The following HYDIN variants were observed in gnomAD, a reference collection of about 807,000 sequenced individuals.
The protein encoded by HYDIN is HYDIN axonemal central pair apparatus protein, also known as axonemal central pair apparatus protein HYDIN.
HYDIN carries 132 observed loss-of-function variants against 403.9 expected under a neutral mutation model. That is an observed-to-expected ratio of 0.33 (90% CI 0.28 to 0.38). The LOEUF (loss-of-function observed/expected upper bound fraction) is 0.38, where lower values mean the gene tolerates loss of function less well. HYDIN is among the 10% of genes least tolerant of loss of function. The probability of loss-of-function intolerance (pLI) is 1.00; values close to 1 mark genes in which losing one functional copy is unlikely to be tolerated. For synonymous variants in HYDIN, 1,202 were observed against 1,891.7 expected (o/e 0.64, Z 9.46); for missense variants, 2,827 against 5,009.5 (o/e 0.56, Z 13.15).
rs60618592 is a variant in HYDIN at position 70,902,821 on chromosome 16, A to ATTTTTTTTTTTTTT, written c.8849+790_8849+803dup. 1.5e-4 allele frequency among the ~76,000 whole-genome samples: 7 copies of ATTTTTTTTTTTTTT among 47,284 alleles called. 1 individual carries two copies. Among genetic ancestry groups the ATTTTTTTTTTTTTT allele is most frequent in the South Asian group, 7.5e-4 (1 of 1,330 alleles). The allele number at this position is 47,284 out of a possible 152,430, so 31.0% of individuals were successfully genotyped here. A position where few individuals can be genotyped will look rare whatever the true frequency, so the allele number is the denominator to read the frequency against. On this transcript the variant is annotated intron_variant, in intron 52 of 85. Coordinates refer to ENST00000393567, the MANE Select transcript of HYDIN (RefSeq NM_001270974.2). ...TATATATATATATATATATATATAT[A>ATTTTTTTTTTTTTT]TTTTTTTTTTTTTTTTTGTCCCACT...
chr16:71,229,830 A>G (rs1217891146), intron 1 of HYDIN, among the ~76,000 whole-genome samples: 1 of 152,178 alleles, frequency 6.6e-6, no homozygotes, highest in African/African-American at 2.4e-5. Context: ...AGTACATGAT[A>G]TGGTTTGGCT....
At chr16:71,183,237 T>A (rs958330718) in intron 3 of HYDIN, among the ~76,000 whole-genome samples, 10 of 151,786 alleles carry the variant, frequency 6.6e-5, no homozygotes, top group Non-Finnish European at 1.5e-5. Flanking sequence ...AATATATACA[T>A]AACTCAAAGT....
intron 5 of HYDIN, among the ~76,000 whole-genome samples, chr16:71,167,811 G>A (rs2144619418): frequency 6.6e-6 from 1 of 152,146 alleles, no homozygotes; most frequent in Non-Finnish European, 1.5e-5. Flanking sequence ...GTTATGACTA[G>A]GGAGGCTCCG....
rs747854166 is a variant in HYDIN at position 70,920,767 on chromosome 16, C to G, written c.7609G>C (p.Glu2537Gln). ...CGCTCCTCCAGGGCTCGCAGCTTCTCCAGGCGCTCCCGCTCCGCCTTCTCC... is the reference window on the plus strand; with the variant it reads ...CGCTCCTCCAGGGCTCGCAGCTTCTGCAGGCGCTCCCGCTCCGCCTTCTCC... Reference protein sequence around the residue: ...EREKAERERLEKLRALEERSD... With the variant: ...EREKAERERLQKLRALEERSD... Residue 2537 changes from glutamate to glutamine, a missense_variant, in exon 46 of 86, where the codon GAG (glutamate) becomes CAG (glutamine). Coordinates refer to ENST00000393567, the MANE Select transcript of HYDIN (RefSeq NM_001270974.2). 1 of 1,561,146 alleles carries G rather than the reference C, an allele frequency of 6.4e-7. No homozygotes were observed.
At chr16:70,930,301 C>T (rs577910710) in intron 45 of HYDIN, among the ~76,000 whole-genome samples, 49 of 152,222 alleles carry the variant, frequency 3.2e-4, no homozygotes, top group Middle Eastern at 3.4e-3. Context: ...GCCAACATGG[C>T]GAAACCCCGT....
At position 70,915,318 on chromosome 16, in the gene HYDIN, G is replaced by A. The variant is rs533945988; in HGVS notation, c.8004+2893C>T. ...TGAAGGCTGTTGTTCAGATTCTTTT[G>A]TCCCACAGGGTGTTCCCTTGATGTA... On this transcript the variant is annotated intron_variant, in intron 47 of 85. Coordinates refer to ENST00000393567, the MANE Select transcript of HYDIN (RefSeq NM_001270974.2). 2.2e-4 allele frequency among the ~76,000 whole-genome samples: 33 copies of A among 152,290 alleles called. No homozygotes were observed. The East Asian group carries it at 6.0e-3, about 28-fold the overall frequency.
At chr16:71,122,885 G>A (rs914983533) in intron 9 of HYDIN, among the ~76,000 whole-genome samples, 4 of 131,966 alleles carry the variant, frequency 3.0e-5, no homozygotes. Context: ...AAGCAGAAAT[G>A]TTCCCCTGCT....
intron 36 of HYDIN, among the ~76,000 whole-genome samples, chr16:70,967,030 G>A (rs1223089393): frequency 6.6e-6 from 1 of 151,728 alleles, no homozygotes; most frequent in East Asian, 1.9e-4. Flanking sequence ...TTTTAAATTA[G>A]AGGATGGAAA....
chr16:71,030,232 A>G (rs2080855574), intron 19 of HYDIN, among the ~76,000 whole-genome samples: 1 of 151,802 alleles, frequency 6.6e-6, no homozygotes, highest in Non-Finnish European at 1.5e-5. Context: ...TTTATTTCGT[A>G]GAGATAGGGG....
chr16:71,169,494 A>C (rs1366338532), intron 5 of HYDIN, among the ~76,000 whole-genome samples: 1 of 152,222 alleles, frequency 6.6e-6, no homozygotes, highest in East Asian at 1.9e-4. Context: ...ATCTTAAAAA[A>C]GAAGGAAATT....
intron 53 of HYDIN, 89 bp from the exon 54 acceptor site, chr16:70,896,169 AG>A (rs2076197496): frequency 6.6e-7 from 1 of 1,522,582 alleles, no homozygotes; most frequent in African/African-American, 1.4e-5. Context: ...GGGATACGGC[AG>A]GGAACGTTTT....
intron 13 of HYDIN, among the ~76,000 whole-genome samples, chr16:71,078,008 T>C (rs2082670479): frequency 6.7e-6 from 1 of 149,912 alleles, no homozygotes; most frequent in Non-Finnish European, 1.5e-5. Context: ...TAAACCATTT[T>C]TGGATTTCTG....
chr16:71,211,363 G>A (rs113667757), intron 1 of HYDIN, among the ~76,000 whole-genome samples: 12 of 147,850 alleles, frequency 8.1e-5, no homozygotes, highest in African/African-American at 2.7e-4. Context: ...TGGAGGGACC[G>A]GGTACAGTGA....
intron 3 of HYDIN, among the ~76,000 whole-genome samples, chr16:71,181,649 A>G (rs556314050): frequency 2.0e-5 from 3 of 152,190 alleles, no homozygotes; most frequent in Admixed American, 2.0e-4. Context: ...AGCATAATGG[A>G]AAAAAAAGTC....
Position 70,803,724 on chromosome 16 carries a change from G to C in HYDIN, c.*3856C>G, listed in dbSNP as rs1254823407. Among the ~76,000 whole-genome samples, 1 of 152,162 alleles carries C rather than the reference G, an allele frequency of 6.6e-6. No homozygotes were observed. Among genetic ancestry groups the C allele is most frequent in the African/African-American group, 2.4e-5 (1 of 41,428 alleles). ...TGTAGCTGGAGTTTCAGGGCAACAG[G>C]GTTTAAGGTATTAGGTAGAGGTCTT... is the stretch of plus-strand genomic sequence containing the variant. On this transcript the variant is annotated 3_prime_UTR_variant, in exon 86 of 86. Transcript: ENST00000393567.
intron 7 of HYDIN, among the ~76,000 whole-genome samples, chr16:71,148,861 C>A (rs1277738355): frequency 1.5e-5 from 2 of 134,950 alleles, no homozygotes; most frequent in Admixed American, 7.3e-5. Context: ...CGGGTTCAAG[C>A]TATTCTCCCG....
intron 48 of HYDIN, 78 bp downstream of exon 48, chr16:70,908,575 C>T (rs2076602122): frequency 4.9e-5 from 74 of 1,504,388 alleles, no homozygotes; most frequent in Non-Finnish European, 6.5e-5. Context: ...GCTCTGTTCC[C>T]CTCCAGTGCT....
intron 42 of HYDIN, among the ~76,000 whole-genome samples, chr16:70,942,401 G>T (rs2077707606): frequency 6.6e-6 from 1 of 152,000 alleles, no homozygotes; most frequent in Non-Finnish European, 1.5e-5. Flanking sequence ...TTAAAGGGCC[G>T]ATCTGGGAAG....
intron 28 of HYDIN, among the ~76,000 whole-genome samples, chr16:70,984,087 G>A (rs1316206185): frequency 3.9e-5 from 6 of 152,248 alleles, no homozygotes; most frequent in Non-Finnish European, 7.3e-5. Flanking sequence ...TGGGCTGGGC[G>A]AGATGGGGCT....
Sources: allele counts gnomAD v4.1 joint callset (sites outside exome capture counted in the v4.1 genomes callset), GRCh38; gene constraint gnomAD v4.1.1; transcripts MANE v1.5; gene names NCBI Gene and HGNC (gene_info 2026-07-23, HGNC 2026-07-21).